Variants in ROBO1 observed in about 807,000 individuals in gnomAD.
The protein encoded by ROBO1 is roundabout homolog 1.
In ROBO1, 149 loss-of-function variants were observed where a neutral mutation model predicts 195.9. The ratio of observed to expected loss-of-function variants is 0.76; its 90% CI spans 0.67 to 0.87. The LOEUF (loss-of-function observed/expected upper bound fraction) is 0.87. Ranked by LOEUF, ROBO1 falls within the 40% of genes least tolerant of loss-of-function variation. The pLI is 0.00. For missense variants in ROBO1, 1,933 were observed against 2,068.3 expected, an observed-to-expected ratio of 0.93 and a Z score of 1.27; for synonymous variants, 816 against 733.2, an observed-to-expected ratio of 1.11 and a Z score of -1.82.
intron 2 of ROBO1, among the ~76,000 whole-genome samples, chr3:79,295,875 G>C (rs190924649): frequency 6.6e-6 from 1 of 152,002 alleles, no homozygotes; most frequent in East Asian, 1.9e-4. Context: ...AATTAAAAAA[G>C]AACAAAACAA....
rs188222358 is a variant in ROBO1 at position 79,147,134 on chromosome 3, G to T, written c.89-21595C>A. ...AGTAAAGGTAGTAATGGAAAATTTTGATTTAAATTCTAATTTTATACCACC... is the reference window on the plus strand; with the variant it reads ...AGTAAAGGTAGTAATGGAAAATTTTTATTTAAATTCTAATTTTATACCACC... On this transcript the variant is annotated intron_variant, in intron 2 of 30. Coordinates refer to ENST00000464233, the MANE Select transcript of ROBO1 (RefSeq NM_002941.4). Among the ~76,000 whole-genome samples, 1,043 of 151,984 alleles carry T rather than the reference G, an allele frequency of 6.9e-3. 9 individuals carry two copies. The highest frequency in any genetic ancestry group is 9.4e-3 in the Non-Finnish European group (636 of 67,906).
chr3:78,832,982 AGCACGATAACGGAGG>A (rs2032364902), intron 4 of ROBO1, among the ~76,000 whole-genome samples: 1 of 152,172 alleles, frequency 6.6e-6, no homozygotes, highest in South Asian at 2.1e-4. Flanking sequence ...ATCTGGCAGG[AGCACGATAACGGAGG>A]GCCTCACATC....
At chr3:78,675,928 G>A (rs946327296) in intron 10 of ROBO1, among the ~76,000 whole-genome samples, 6 of 152,078 alleles carry the variant, frequency 3.9e-5, no homozygotes, top group African/African-American at 1.4e-4. Flanking sequence ...GCACCCCCAA[G>A]TAGGGGCAGA....
chr3:79,064,297 T>A (rs897388251), intron 3 of ROBO1, among the ~76,000 whole-genome samples: 9 of 151,932 alleles, frequency 5.9e-5, no homozygotes, highest in Non-Finnish European at 1.2e-4. Flanking sequence ...AGATTTTCCT[T>A]ACATACTTGT....
intron 2 of ROBO1, among the ~76,000 whole-genome samples, chr3:79,140,815 A>G (rs536848392): frequency 3.9e-5 from 6 of 152,292 alleles, no homozygotes; most frequent in African/African-American, 1.4e-4. Flanking sequence ...GTTTCTTCAC[A>G]TCTTCACCAT....
intron 3 of ROBO1, among the ~76,000 whole-genome samples, chr3:78,967,687 T>A (rs552657413): frequency 6.6e-6 from 1 of 152,324 alleles, no homozygotes; most frequent in South Asian, 2.1e-4. Flanking sequence ...TAGTATTTTT[T>A]AATTTTAAAA....
At chr3:78,925,913 C>G (rs1391759937) in intron 4 of ROBO1, among the ~76,000 whole-genome samples, 2 of 151,884 alleles carry the variant, frequency 1.3e-5, no homozygotes, top group African/African-American at 4.8e-5. Flanking sequence ...CTCTGTTGCC[C>G]AGGCTGGAGT....
At chr3:78,912,441 C>A (rs2038302058) in intron 4 of ROBO1, among the ~76,000 whole-genome samples, 1 of 152,080 alleles carries the variant, frequency 6.6e-6, no homozygotes, top group South Asian at 2.1e-4. Flanking sequence ...ATACAAGGCA[C>A]GTTGGCCATT....
At chr3:79,356,270 G>T (rs934216418) in intron 2 of ROBO1, among the ~76,000 whole-genome samples, 2 of 152,198 alleles carry the variant, frequency 1.3e-5, no homozygotes, top group Non-Finnish European at 2.9e-5. Flanking sequence ...AAACCTGGGA[G>T]GTGGAGGTTG....
At chr3:79,384,041 T>C (rs2036656530) in intron 2 of ROBO1, among the ~76,000 whole-genome samples, 1 of 152,022 alleles carries the variant, frequency 6.6e-6, no homozygotes, top group South Asian at 2.1e-4. Flanking sequence ...GCTGGGTATA[T>C]CACATATGCA....
chr3:79,250,593 G>A (rs2108907539), intron 2 of ROBO1, among the ~76,000 whole-genome samples: 1 of 152,006 alleles, frequency 6.6e-6, no homozygotes, highest in East Asian at 1.9e-4. Context: ...AGTTTTAAAG[G>A]ATATCTTATA....
At chr3:79,650,155 G>A (rs1945959756) in intron 1 of ROBO1, among the ~76,000 whole-genome samples, 1 of 151,814 alleles carries the variant, frequency 6.6e-6, no homozygotes, top group Admixed American at 6.6e-5. Flanking sequence ...CAGATTCTCT[G>A]AAAAGTCCAA....
intron 2 of ROBO1, among the ~76,000 whole-genome samples, chr3:79,395,676 A>T (rs1012291462): frequency 6.6e-6 from 1 of 152,126 alleles, no homozygotes; most frequent in Non-Finnish European, 1.5e-5. Context: ...ATCAGTTTAT[A>T]GTGGAGATTA....
At chr3:79,702,128 T>C (rs1560113702) in intron 1 of ROBO1, among the ~76,000 whole-genome samples, 1 of 151,702 alleles carries the variant, frequency 6.6e-6, no homozygotes, top group African/African-American at 2.4e-5. Flanking sequence ...GATATAAAAA[T>C]CACACCATCC....
intron 16 of ROBO1, 111 bp from the exon 17 acceptor site, chr3:78,659,918 C>T (rs376917241): frequency 7.9e-5 from 32 of 406,084 alleles, no homozygotes; most frequent in South Asian, 2.8e-4. Flanking sequence ...TCAATATATG[C>T]TTTTTTTTTT....
At chr3:79,287,879 TTTC>T (rs764177152) in intron 2 of ROBO1, among the ~76,000 whole-genome samples, 20 of 152,152 alleles carry the variant, frequency 1.3e-4, no homozygotes, top group East Asian at 5.8e-4. Flanking sequence ...ATATAGTTTT[TTTC>T]TTTTTTATGT....
At chr3:78,950,393 C>T (rs2040708622) in intron 3 of ROBO1, among the ~76,000 whole-genome samples, 1 of 151,480 alleles carries the variant, frequency 6.6e-6, no homozygotes, top group South Asian at 2.1e-4. Flanking sequence ...CCACCATTCT[C>T]CGCAAACTAT....
At chr3:78,604,086 C>G (rs975212200) in intron 29 of ROBO1, among the ~76,000 whole-genome samples, 1 of 151,162 alleles carries the variant, frequency 6.6e-6, no homozygotes, top group Admixed American at 6.6e-5. Flanking sequence ...TTATTATTTT[C>G]CAAGACAGAT....
At chr3:78,809,200 T>A (rs1350236997) in intron 4 of ROBO1, among the ~76,000 whole-genome samples, 3 of 151,840 alleles carry the variant, frequency 2.0e-5, no homozygotes, top group African/African-American at 7.3e-5. Flanking sequence ...CAGACACTTT[T>A]CAAAAGAAGA....
Sources: gnomAD v4.1 joint callset for allele counts (sites outside exome capture counted in the v4.1 genomes callset) on GRCh38, gnomAD v4.1.1 for gene constraint, MANE v1.5 for transcripts, NCBI Gene and HGNC (gene_info 2026-07-23, HGNC 2026-07-21) for gene names.